MRC1: variants seen among roughly 807,000 people sequenced by gnomAD.
MRC1 encodes the protein macrophage mannose receptor 1.
MRC1 carries 62 observed loss-of-function variants against 102.9 expected under a neutral mutation model. The observed-to-expected ratio is 0.60, with a 90% CI of 0.49 to 0.74. The LOEUF is 0.74. Ranked by LOEUF, MRC1 falls within the 30% of genes least tolerant of loss-of-function variation. The probability of loss-of-function intolerance (pLI) is 0.00; values close to 1 mark genes in which losing one functional copy is unlikely to be tolerated. For missense variants in MRC1, 1,237 were observed against 862.8 expected, an observed-to-expected ratio of 1.43 and a Z score of -5.43; for synonymous variants, 457 against 298.4, an observed-to-expected ratio of 1.53 and a Z score of -5.48.
intron 7 of MRC1, among the ~76,000 whole-genome samples, chr10:17,851,890 C>A (rs1344046634): frequency 5.3e-5 from 8 of 152,222 alleles, no homozygotes; most frequent in Admixed American, 2.6e-4. Context: ...GAGGAAGAGA[C>A]TAAACCGCTT....
chr10:17,839,292 C>T (rs1403556977), intron 4 of MRC1, among the ~76,000 whole-genome samples: 1 of 152,134 alleles, frequency 6.6e-6, no homozygotes, highest in Admixed American at 6.5e-5. Flanking sequence ...TACTTCAGTT[C>T]TTCTTTAATC....
chr10:17,856,112 A>G lies in MRC1; in HGVS notation c.1408-130A>G, dbSNP rs1040917250. 1.1e-4 allele frequency: 76 copies of G among 683,218 alleles called. No individual in the cohort carries two copies. The Admixed American group carries it at 1.5e-3, about 14-fold the overall frequency. 42.3% of individuals were successfully genotyped at this position (683,218 alleles called of 1,614,324 possible). On this transcript the variant is annotated intron_variant, in intron 8 of 29. Transcript: ENST00000569591. ...TTGAACCTGGGAGGCAGAGGTTGCC[A>G]TGAGCCAAGATCGCGCCACTGCACT... is the stretch of plus-strand genomic sequence containing the variant.
chr10:17,829,478 CTCGGT>C (rs1226870357), intron 3 of MRC1, among the ~76,000 whole-genome samples: 1 of 151,454 alleles, frequency 6.6e-6, no homozygotes, highest in Non-Finnish European at 1.5e-5. Context: ...ACACTGCTGC[CTCGGT>C]CTTAACTGAG....
intron 5 of MRC1, among the ~76,000 whole-genome samples, chr10:17,843,153 G>T (rs978078589): frequency 6.6e-6 from 1 of 152,122 alleles, no homozygotes; most frequent in Admixed American, 6.6e-5. Flanking sequence ...GTTGAGAGAG[G>T]TATTGTATTG....
chr10:17,882,281 T>C (rs932416919), intron 21 of MRC1, among the ~76,000 whole-genome samples: 8 of 152,046 alleles, frequency 5.3e-5, no homozygotes, highest in African/African-American at 1.9e-4. Flanking sequence ...GTGTGGACTT[T>C]GAAGGATCAT....
At chr10:17,847,908 T>C (rs577192361) in intron 6 of MRC1, among the ~76,000 whole-genome samples, 1 of 103,308 alleles carries the variant, frequency 9.7e-6, no homozygotes, top group African/African-American at 3.9e-5. Flanking sequence ...CTAAGCTTGC[T>C]TTCTTTTTCT....
intron 1 of MRC1, among the ~76,000 whole-genome samples, chr10:17,814,368 C>A (rs1838273596): frequency 6.6e-6 from 1 of 152,238 alleles, no homozygotes; most frequent in African/African-American, 2.4e-5. Flanking sequence ...CTTTTCACTT[C>A]AAGAGGGGGA....
At chr10:17,810,145 T>A (rs974711169) in intron 1 of MRC1, among the ~76,000 whole-genome samples, 12,293 of 152,274 alleles carry the variant, frequency 0.081, 563 homozygotes, top group Non-Finnish European at 0.099. Flanking sequence ...CTTCTTTTTC[T>A]GGAGATTAGA....
rs965761170 is a variant in MRC1 at position 17,826,305 on chromosome 10, C to T, written c.464-1237C>T. ...GCAACCTCCGCCTCCCGGGTTCAAG[C>T]GATTCTCCTGCCTCAGCCTCCTGAG... On this transcript the variant is annotated intron_variant, in intron 2 of 29. Transcript: ENST00000569591. 8.8e-4 allele frequency among the ~76,000 whole-genome samples: 134 copies of T among 152,206 alleles called. 1 individual carries two copies. The highest frequency in any genetic ancestry group is 3.4e-3 in the Middle Eastern group (1 of 294).
intron 23 of MRC1, among the ~76,000 whole-genome samples, chr10:17,894,702 CTTTTA>C (rs1303046235): frequency 2.0e-5 from 3 of 151,836 alleles, no homozygotes; most frequent in East Asian, 1.9e-4. Context: ...CCTGACCTCA[CTTTTA>C]TTTTATTTTA....
intron 18 of MRC1, 115 bp from the exon 19 acceptor site, chr10:17,879,606 A>G: frequency 1.3e-6 from 1 of 778,070 alleles, no homozygotes; most frequent in Non-Finnish European, 2.4e-6. Context: ...CAGGTGATCC[A>G]CTCGCCTCGG....
intron 23 of MRC1, among the ~76,000 whole-genome samples, chr10:17,896,540 A>G (rs1833758066): frequency 6.6e-6 from 1 of 152,368 alleles, no homozygotes; most frequent in Non-Finnish European, 1.5e-5. Flanking sequence ...ATGATAGAAT[A>G]TGTTGCCACA....
chr10:17,855,455 C>G (rs1833073006), intron 8 of MRC1, among the ~76,000 whole-genome samples: 1 of 151,228 alleles, frequency 6.6e-6, no homozygotes, highest in African/African-American at 2.4e-5. Context: ...CCTGTAGTCC[C>G]AGCTACTCAG....
chr10:17,898,167 C>A lies in MRC1; in HGVS notation c.3384C>A (p.Ser1128=). The A allele has an allele frequency of 1.3e-6, 1 of 780,848 alleles. No homozygotes were observed. Among genetic ancestry groups the A allele is most frequent in the South Asian group, 1.3e-5 (1 of 74,614 alleles). 48.4% of individuals were successfully genotyped at this position (780,848 alleles called of 1,614,324 possible). The change falls in exon 24 of 30, where the codon TCC becomes TCA. Residue 1128 remains serine (S), a synonymous_variant. Transcript: ENST00000569591. ...EAETYCKLHN[S]LIASILDPYS... ...AGACATACTGCAAGCTTCACAATTC[C>A]CTTATAGCCAGCATTCTGGATCCCT...
intron 5 of MRC1, among the ~76,000 whole-genome samples, chr10:17,843,239 A>C (rs942905094): frequency 1.2e-4 from 19 of 152,168 alleles, no homozygotes; most frequent in African/African-American, 4.6e-4. Flanking sequence ...ATTTGTTTGA[A>C]AGTTTCTTTT....
chr10:17,858,334 T>C (rs1055622762), intron 9 of MRC1, among the ~76,000 whole-genome samples: 1 of 152,206 alleles, frequency 6.6e-6, no homozygotes, highest in African/African-American at 2.4e-5. Context: ...GATATGCTGG[T>C]GGTTCTCTCT....
chr10:17,839,268 G>T (rs542405931), intron 4 of MRC1, among the ~76,000 whole-genome samples: 1 of 152,038 alleles, frequency 6.6e-6, no homozygotes, highest in South Asian at 2.1e-4. Flanking sequence ...ATTTAGTTAC[G>T]CAGTCTCAAT....
At chr10:17,812,057 C>T (rs1353157971) in intron 1 of MRC1, among the ~76,000 whole-genome samples, 1 of 152,130 alleles carries the variant, frequency 6.6e-6, no homozygotes, top group African/African-American at 2.4e-5. Context: ...CCCTACTTGC[C>T]ATCAGTTTAT....
In MRC1 at chr10:17,809,427, T is replaced by A. The variant is rs1398074173; in HGVS notation, c.-39T>A. On this transcript the variant is annotated 5_prime_UTR_variant, in exon 1 of 30. Transcript: ENST00000569591. ...GTTGTTTTGCGTCTTAGTTCCGCCCTCCTGTCCATCAGGAGAAGGAAAGGA... is the reference window on the plus strand; with the variant it reads ...GTTGTTTTGCGTCTTAGTTCCGCCCACCTGTCCATCAGGAGAAGGAAAGGA... 1.1e-6 allele frequency: 1 copy of A among 872,480 alleles called. No homozygotes were observed. The highest frequency in any genetic ancestry group is 2.0e-6 in the Non-Finnish European group (1 of 501,324). 54.0% of individuals were successfully genotyped at this position (872,480 alleles called of 1,614,324 possible). A position where few individuals can be genotyped will look rare whatever the true frequency, so the allele number is the denominator to read the frequency against.
Sources: gnomAD v4.1 joint callset for allele counts (sites outside exome capture counted in the v4.1 genomes callset) on GRCh38, gnomAD v4.1.1 for gene constraint, MANE v1.5 for transcripts, NCBI Gene and HGNC (gene_info 2026-07-23, HGNC 2026-07-21) for gene names.